Variants in PHF20L1 observed in about 807,000 individuals in gnomAD.
PHF20L1 encodes PHD finger protein 20 like 1, also known as PHD finger protein 20-like protein 1.
Under a neutral mutation model 125.5 loss-of-function variants are expected in PHF20L1, and 44 were observed. The ratio of observed to expected loss-of-function variants is 0.35; its 90% CI spans 0.28 to 0.45. The LOEUF (loss-of-function observed/expected upper bound fraction) is 0.45, where lower values mean the gene tolerates loss of function less well. PHF20L1 is among the 20% of genes least tolerant of loss of function. The pLI, the probability that PHF20L1 is intolerant of heterozygous loss-of-function variation, is 1.00. For synonymous variants in PHF20L1, 380 were observed against 403.1 expected, an observed-to-expected ratio of 0.94 and a Z score of 0.69; for missense variants, 1,012 against 1,217.2, an observed-to-expected ratio of 0.83 and a Z score of 2.51.
In PHF20L1 at chr8:132,844,145, C is replaced by T; in HGVS notation, c.2749-11C>T. ...TCTTTGTGTTTATTTTCCAATGGTC[C>T]TTTGGAGAAGAATCCAGCTGAAGGG... On this transcript the variant is annotated splice_polypyrimidine_tract_variant and intron_variant, in intron 19 of 20. Transcript: ENST00000395386. The T allele has an allele frequency of 6.2e-7, 1 of 1,611,140 alleles. No individual in the cohort carries two copies. The highest frequency in any genetic ancestry group is 2.2e-5 in the East Asian group (1 of 44,826).
chr8:132,809,563 C>T, intron 8 of PHF20L1: 1 of 152,166 alleles, frequency 6.6e-6, no homozygotes, highest in Non-Finnish European at 1.5e-5. Flanking sequence ...CCATGGATAC[C>T]TTTACATCAT....
chr8:132,839,475 TTCTCA>T lies in PHF20L1; in HGVS notation c.2286_2290del (p.His762GlnfsTer14). The T allele has an allele frequency of 1.2e-6, 2 of 1,613,164 alleles. No homozygotes were observed. Among genetic ancestry groups the T allele is most frequent in the Non-Finnish European group, 1.7e-6 (2 of 1,179,246 alleles). On this transcript the variant is annotated frameshift_variant, in exon 18 of 21. Coordinates refer to ENST00000395386, the MANE Select transcript of PHF20L1 (RefSeq NM_016018.5). LOFTEE classifies it high-confidence loss of function. ...GGTTATCATTTTTCAAAGAAAATTATTCTCATCTCAATGCCAAAAAGATAGTTTCT... is the reference window on the plus strand; with the variant it reads ...GGTTATCATTTTTCAAAGAAAATTATTCTCAATGCCAAAAAGATAGTTTCT...
rs374169399 is a variant in PHF20L1 at position 132,794,257 on chromosome 8, G to A, written c.84-153G>A. On this transcript the variant is annotated intron_variant, in intron 2 of 20. Coordinates refer to ENST00000395386, the MANE Select transcript of PHF20L1 (RefSeq NM_016018.5). ...GACGATCATTTATAAAGACAATAAA[G>A]CAGAGTTTTTTGGTTAGTTTTAAAA... Among the ~76,000 whole-genome samples, 282 of 152,196 alleles carry A rather than the reference G, an allele frequency of 1.9e-3. 2 individuals carry two copies. Among genetic ancestry groups the A allele is most frequent in the African/African-American group, 6.3e-3 (262 of 41,534 alleles).
chr8:132,825,550 C>G (rs1836079993), intron 14 of PHF20L1, among the ~76,000 whole-genome samples, 179 bp downstream of exon 14: 1 of 151,976 alleles, frequency 6.6e-6, no homozygotes, highest in African/African-American at 2.4e-5. Context: ...CTGTTTCACT[C>G]TGGCCTATAA....
chr8:132,804,664 C>A lies in PHF20L1; in HGVS notation c.771C>A (p.Ser257Arg). The A allele has an allele frequency of 6.2e-7, 1 of 1,608,082 alleles. No homozygotes were observed. The highest frequency in any genetic ancestry group is 8.5e-7 in the Non-Finnish European group (1 of 1,175,500). Reference sequence around the variant, plus strand: ...AGATGGTCTTTCCACAGCCAGAGAGCACATTATCAAACAAGAGGAAAAATA... The same window carrying A: ...AGATGGTCTTTCCACAGCCAGAGAGAACATTATCAAACAAGAGGAAAAATA... ...VPKMVFPQPE[S>R]TLSNKRKNNQ... The change falls in exon 8 of 21, where the codon AGC (serine) becomes AGA (arginine). Residue 257 changes from serine (S) to arginine (R), a missense_variant. Ser to Arg is a moderately radical substitution (Grantham distance 110). Transcript: ENST00000395386.
chr8:132,798,997 A>G, intron 5 of PHF20L1, 98 bp from the exon 6 acceptor site: 1 of 1,191,706 alleles, frequency 8.4e-7, no homozygotes, highest in Non-Finnish European at 1.2e-6. Context: ...AATAGCAGCA[A>G]GAAAAGGAAG....
In PHF20L1 at chr8:132,848,116, A is replaced by T. The variant is rs560182576; in HGVS notation, c.*2193A>T. 7.2e-5 allele frequency: 11 copies of T among 152,226 alleles called. No homozygotes were observed. Among genetic ancestry groups the T allele is most frequent in the African/African-American group, 2.2e-4 (9 of 41,576 alleles). 9.4% of individuals were successfully genotyped at this position (152,226 alleles called of 1,614,324 possible). A position where few individuals can be genotyped will look rare whatever the true frequency, so the allele number is the denominator to read the frequency against. ...CATTCATCCTCTTGATTCCTGGTGA[A>T]CACGGTTAAATTCATGCACATTTGT... On this transcript the variant is annotated 3_prime_UTR_variant, in exon 21 of 21. Transcript: ENST00000395386.
At chr8:132,814,106 TAA>T (rs1006680042) in intron 9 of PHF20L1, among the ~76,000 whole-genome samples, 3 of 151,902 alleles carry the variant, frequency 2.0e-5, no homozygotes, top group Non-Finnish European at 4.4e-5. Flanking sequence ...TAAAATGAGT[TAA>T]AGATAATGTT....
intron 17 of PHF20L1, 40 bp from the exon 18 acceptor site, chr8:132,839,347 A>G: frequency 6.7e-7 from 1 of 1,482,612 alleles, no homozygotes; most frequent in Non-Finnish European, 9.4e-7. Context: ...AATCCGAGTA[A>G]GTGCAGTCCT....
chr8:132,820,959 AT>A (rs1835523435), intron 12 of PHF20L1, among the ~76,000 whole-genome samples: 1 of 150,208 alleles, frequency 6.7e-6, no homozygotes, highest in Non-Finnish European at 1.5e-5. Flanking sequence ...TTTTTTTTTT[AT>A]TTTTTAGCAA....
At chr8:132,832,510 C>T in intron 15 of PHF20L1, 111 bp downstream of exon 15, 2 of 701,246 alleles carry the variant, frequency 2.9e-6, no homozygotes, top group Non-Finnish European at 4.7e-6. Flanking sequence ...GTTAGCTAAA[C>T]TAATATGAAA....
At position 132,847,561 on chromosome 8, in the gene PHF20L1, CTG is replaced by C. The variant is rs1465510557; in HGVS notation, c.*1640_*1641del. ...ATGTAAGGGTACTGTATGTAAAACT[CTG>C]TATTAAAACTATTCCACATATCCTA... On this transcript the variant is annotated 3_prime_UTR_variant, in exon 21 of 21. Transcript: ENST00000395386. The C allele has an allele frequency of 6.6e-6, 1 of 152,592 alleles. No individual in the cohort carries two copies. Among genetic ancestry groups the C allele is most frequent in the Non-Finnish European group, 1.5e-5 (1 of 68,002 alleles). The allele number at this position is 152,592 out of a possible 1,614,324, so 9.5% of individuals were successfully genotyped here.
chr8:132,806,850 A>G (rs1309135473), intron 8 of PHF20L1: 3 of 151,874 alleles, frequency 2.0e-5, no homozygotes, highest in Admixed American at 6.6e-5. Flanking sequence ...GCTCTGATGT[A>G]TTTCTCTCCA....
At chr8:132,786,540 C>T (rs1831052359) in intron 2 of PHF20L1, among the ~76,000 whole-genome samples, 1 of 151,896 alleles carries the variant, frequency 6.6e-6, no homozygotes, top group African/African-American at 2.4e-5. Flanking sequence ...GTAAGAGCCC[C>T]CTATATTGAA....
At chr8:132,839,758 T>C (rs1488721691) in intron 18 of PHF20L1, among the ~76,000 whole-genome samples, 176 bp downstream of exon 18, 1 of 152,170 alleles carries the variant, frequency 6.6e-6, no homozygotes, top group Non-Finnish European at 1.5e-5. Context: ...GCGTTGGTGC[T>C]TCCTGTCTAT....
At chr8:132,798,072 A>T (rs1832623646) in intron 4 of PHF20L1, among the ~76,000 whole-genome samples, 1 of 152,044 alleles carries the variant, frequency 6.6e-6, no homozygotes, top group African/African-American at 2.4e-5. Flanking sequence ...GACAAACAAA[A>T]TCTTGAGTCC....
chr8:132,804,912 T>A (rs1833508986), intron 8 of PHF20L1, among the ~76,000 whole-genome samples, 172 bp downstream of exon 8: 1 of 151,978 alleles, frequency 6.6e-6, no homozygotes, highest in Non-Finnish European at 1.5e-5. Flanking sequence ...CGTCAGCTTT[T>A]TCTGTTGTAA....
intron 7 of PHF20L1, 110 bp from the exon 8 acceptor site, chr8:132,804,505 G>T (rs1833456541): frequency 1.3e-6 from 1 of 744,816 alleles, no homozygotes; most frequent in African/African-American, 1.8e-5. Flanking sequence ...TCAAGTAGTA[G>T]ATTAAAAAAA....
chr8:132,785,821 A>T (rs545872254), intron 2 of PHF20L1, among the ~76,000 whole-genome samples: 4 of 152,224 alleles, frequency 2.6e-5, no homozygotes, highest in African/African-American at 9.6e-5. Flanking sequence ...CAAAAAAGTT[A>T]CCATGAATTA....
Sources: allele counts gnomAD v4.1 joint callset (sites outside exome capture counted in the v4.1 genomes callset), GRCh38; gene constraint gnomAD v4.1.1; transcripts MANE v1.5; gene names NCBI Gene and HGNC (gene_info 2026-07-23, HGNC 2026-07-21).